ATP6V0A1: variants seen among roughly 807,000 people sequenced by gnomAD.
ATP6V0A1 encodes the protein ATPase H+ transporting V0 subunit a1.
A neutral mutation model predicts 105.4 loss-of-function variants in ATP6V0A1; 43 were observed. The observed-to-expected ratio is 0.41, with a 90% confidence interval of 0.32 to 0.53. The LOEUF (loss-of-function observed/expected upper bound fraction) is 0.53, where lower values mean the gene tolerates loss of function less well. Ranked by LOEUF, ATP6V0A1 falls within the 20% of genes least tolerant of loss-of-function variation. The pLI is 0.30. For synonymous variants in ATP6V0A1, 362 were observed against 372.8 expected, an observed-to-expected ratio of 0.97 and a Z score of 0.33; for missense variants, 676 against 1,051.1, an observed-to-expected ratio of 0.64 and a Z score of 4.93.
At chr17:42,474,935 A>C (rs940537563) in intron 5 of ATP6V0A1, among the ~76,000 whole-genome samples, 3 of 152,252 alleles carry the variant, frequency 2.0e-5, no homozygotes, top group Non-Finnish European at 4.4e-5. Context: ...GGCATTTAAA[A>C]TGACTTGTTA....
intron 9 of ATP6V0A1, among the ~76,000 whole-genome samples, chr17:42,484,377 T>C (rs2089890757): frequency 6.6e-6 from 1 of 152,128 alleles, no homozygotes; most frequent in Non-Finnish European, 1.5e-5. Flanking sequence ...ATGATAATAA[T>C]TTTTTAAAAG....
At chr17:42,494,804 A>C in intron 12 of ATP6V0A1, 3 of 497,532 alleles carry the variant, frequency 6.0e-6, no homozygotes, top group Non-Finnish European at 1.0e-5. Context: ...TGCCAAAAGA[A>C]ATGGCCAAAA....
intron 2 of ATP6V0A1, among the ~76,000 whole-genome samples, chr17:42,466,066 C>T (rs2087018629): frequency 6.6e-6 from 1 of 152,170 alleles, no homozygotes; most frequent in Admixed American, 6.6e-5. Flanking sequence ...AGAAGTTCCT[C>T]TTGTGCTTGG....
At chr17:42,463,950 A>T (rs2086735115) in intron 2 of ATP6V0A1, among the ~76,000 whole-genome samples, 1 of 152,228 alleles carries the variant, frequency 6.6e-6, no homozygotes, top group Admixed American at 6.5e-5. Context: ...AAAGTGGATC[A>T]TCTTGAAGGT....
chr17:42,512,185 A>C lies in ATP6V0A1; in HGVS notation c.2131-1676A>C, dbSNP rs150613835. ...GGCAGACTCATAAGTGCTGAGCTGG[A>C]TTTCTCACCCAGTCCTTGCTTCTCC... is the stretch of plus-strand genomic sequence containing the variant. On this transcript the variant is annotated intron_variant, in intron 19 of 21. Transcript: ENST00000343619. Among the ~76,000 whole-genome samples the C allele has an allele frequency of 2.5e-3, 384 of 152,282 alleles. 2 individuals are homozygous for C. The highest frequency in any genetic ancestry group is 4.4e-3 in the Non-Finnish European group (302 of 68,018).
At chr17:42,489,305 T>A (rs1172632346) in intron 10 of ATP6V0A1, among the ~76,000 whole-genome samples, 1 of 152,026 alleles carries the variant, frequency 6.6e-6, no homozygotes, top group African/African-American at 2.4e-5. Context: ...GGTGTCGAAC[T>A]CCTGACCTCA....
rs573190981 is a variant in ATP6V0A1 at position 42,468,984 on chromosome 17, G to A, written c.294+877G>A. Among the ~76,000 whole-genome samples, 7 of 151,978 alleles carry A rather than the reference G, an allele frequency of 4.6e-5. No individual in the cohort carries two copies. The South Asian group carries it at 6.3e-4, about 14-fold the overall frequency. ...CCTCAGCCTCCAGAGTAGCTGAGAC[G>A]ATAGCTGTGTGCCAACATGCCTGGC... On this transcript the variant is annotated intron_variant, in intron 4 of 21. Coordinates refer to ENST00000343619, the MANE Select transcript of ATP6V0A1 (RefSeq NM_001130021.3).
intron 18 of ATP6V0A1, among the ~76,000 whole-genome samples, chr17:42,508,367 G>A (rs2092154753): frequency 6.6e-6 from 1 of 152,212 alleles, no homozygotes; most frequent in Non-Finnish European, 1.5e-5. Flanking sequence ...CAAGGGTTGT[G>A]GATGCCTTTA....
chr17:42,508,012 A>G (rs1261859169), intron 18 of ATP6V0A1, among the ~76,000 whole-genome samples: 2 of 152,176 alleles, frequency 1.3e-5, no homozygotes, highest in Non-Finnish European at 2.9e-5. Context: ...GGATCGTTCC[A>G]ATTACATTAC....
chr17:42,487,997 C>T (rs773121018), intron 10 of ATP6V0A1, among the ~76,000 whole-genome samples: 3 of 152,180 alleles, frequency 2.0e-5, no homozygotes, highest in Non-Finnish European at 4.4e-5. Flanking sequence ...CATCAGTTTC[C>T]TGATGCCCTC....
chr17:42,464,666 G>A (rs935040450), intron 2 of ATP6V0A1, among the ~76,000 whole-genome samples: 2 of 152,140 alleles, frequency 1.3e-5, no homozygotes, highest in Non-Finnish European at 2.9e-5. Flanking sequence ...GTCTCCCAAA[G>A]TGCTGGGATT....
chr17:42,489,692 G>A (rs977584757), intron 10 of ATP6V0A1, among the ~76,000 whole-genome samples: 1 of 152,072 alleles, frequency 6.6e-6, no homozygotes, highest in Admixed American at 6.6e-5. Context: ...GGAAGTAAAT[G>A]TTCAGCCAGA....
chr17:42,507,663 C>T, intron 18 of ATP6V0A1, 36 bp downstream of exon 18: 4 of 1,567,448 alleles, frequency 2.6e-6, no homozygotes, highest in Non-Finnish European at 3.5e-6. Context: ...TCTCCTTCCA[C>T]CTCGGGTCAG....
chr17:42,515,458 G>A (rs1297253563), intron 21 of ATP6V0A1, among the ~76,000 whole-genome samples: 13 of 114,844 alleles, frequency 1.1e-4, no homozygotes, highest in South Asian at 3.1e-4. Context: ...AACAGAGCGA[G>A]ACTCTGTCTC....
Position 42,480,674 on chromosome 17 carries a change from A to C in ATP6V0A1, c.641A>C (p.Tyr214Ser), listed in dbSNP as rs772806504. Residue 214 changes from tyrosine (Y) to serine (S), a missense_variant, in exon 8 of 22, where the codon TAC (tyrosine) becomes TCC (serine). Tyr to Ser is a moderately radical substitution (Grantham distance 144). Around this residue, in one of 3 missense-constraint regions of ATP6V0A1, gnomAD observed 239 missense variants for 388.4 expected, o/e 0.62. Transcript: ENST00000343619. The part of the protein sequence containing the change: ...NPLEDPVTGD[Y>S]VHKSVFIIFF... ...TTTTATTCTGGGGCCTAGGGCGACTACGTGCACAAGTCTGTGTTTATCATT... is the reference window on the plus strand; with the variant it reads ...TTTTATTCTGGGGCCTAGGGCGACTCCGTGCACAAGTCTGTGTTTATCATT... The C allele has an allele frequency of 6.2e-7, 1 of 1,611,792 alleles. No homozygotes were observed. Among genetic ancestry groups the C allele is most frequent in the Non-Finnish European group, 8.5e-7 (1 of 1,179,240 alleles).
At chr17:42,513,436 AAAATCC>A (rs1196542812) in intron 19 of ATP6V0A1, 1 of 166,180 alleles carries the variant, frequency 6.0e-6, no homozygotes, top group Non-Finnish European at 1.3e-5. Context: ...CACTCTGGGG[AAAATCC>A]CTTCCTGCCC....
rs778577466 is a variant in ATP6V0A1 at position 42,501,230 on chromosome 17, C to T, written c.1930C>T (p.Leu644=). ...GIQCFLVVVA[L]LCVPWMLLFK... ...TCAGTGTTTCCTGGTAGTGGTTGCA[C>T]TACTGTGTGTACCTTGGATGCTGCT... Residue 644 remains leucine, a synonymous_variant, in exon 17 of 22, where the codon CTA becomes TTA. Coordinates refer to ENST00000343619, the MANE Select transcript of ATP6V0A1 (RefSeq NM_001130021.3). The T allele has an allele frequency of 6.2e-7, 1 of 1,614,022 alleles. No individual in the cohort carries two copies. The highest frequency in any genetic ancestry group is 8.5e-7 in the Non-Finnish European group (1 of 1,179,944).
In ATP6V0A1 at chr17:42,501,324, TA is replaced by T. The variant is rs1211904574; in HGVS notation, c.2004+24del. ...CATTTGGTAGGTGTATTTCTATTGC[TA>T]AAAGTTACTAGACTTTTGTTTTGTT... On this transcript the variant is annotated intron_variant, in intron 17 of 21. Coordinates refer to ENST00000343619, the MANE Select transcript of ATP6V0A1 (RefSeq NM_001130021.3). 4.4e-6 allele frequency: 7 copies of T among 1,575,882 alleles called. No individual in the cohort carries two copies. Among genetic ancestry groups the T allele is most frequent in the African/African-American group, 1.4e-5 (1 of 73,952 alleles).
Position 42,478,545 on chromosome 17 carries a change from C to T in ATP6V0A1, c.589C>T (p.Leu197=). ...LWRVCRGNVF[L]RQAEIENPLE... The stretch of plus-strand genomic sequence containing the variant: ...GCGGGTATGCCGGGGAAATGTGTTC[C>T]TGCGACAGGCTGAAATCGAGAACCC... The change falls in exon 7 of 22, where the codon CTG becomes TTG. Residue 197 remains leucine, a synonymous_variant. Coordinates refer to ENST00000343619, the MANE Select transcript of ATP6V0A1 (RefSeq NM_001130021.3). 1.2e-6 allele frequency: 2 copies of T among 1,606,098 alleles called. No individual in the cohort carries two copies. The highest frequency in any genetic ancestry group is 1.7e-6 in the Non-Finnish European group (2 of 1,175,212).
Sources: allele counts gnomAD v4.1 joint callset (sites outside exome capture counted in the v4.1 genomes callset), GRCh38; gene constraint gnomAD v4.1.1; regional missense constraint gnomAD v4.1.1; transcripts MANE v1.5; gene names NCBI Gene and HGNC (gene_info 2026-07-23, HGNC 2026-07-21).